The following PREPL variants were observed in gnomAD, a reference collection of about 807,000 sequenced individuals.
PREPL encodes the protein prolyl endopeptidase like.
PREPL carries 77 observed loss-of-function variants against 70.6 expected under a neutral mutation model. The observed-to-expected ratio is 1.09, with a 90% CI of 0.91 to 1.32. The LOEUF is 1.32. Ranked by LOEUF, PREPL falls within the 40% of genes most tolerant of loss-of-function variation. The pLI is 0.00. For synonymous variants in PREPL, 315 were observed against 264.8 expected, an observed-to-expected ratio of 1.19 and a Z score of -1.84; for missense variants, 1,002 against 778.2, an observed-to-expected ratio of 1.29 and a Z score of -3.42.
chr2:44,321,059 C>A lies in PREPL; in HGVS notation c.*297G>T, dbSNP rs1672897506. 2 of 413,752 alleles carry A rather than the reference C, an allele frequency of 4.8e-6. No homozygotes were observed. The highest frequency in any genetic ancestry group is 5.7e-5 in the South Asian group (2 of 35,226). The allele number at this position is 413,752 out of a possible 1,614,324, so 25.6% of individuals were successfully genotyped here. A position where few individuals can be genotyped will look rare whatever the true frequency, so the allele number is the denominator to read the frequency against. ...TTTGTAAACTGCTCAACTGTTCTGACTGGAAGGGAGGCCTGGAGCTCTGCT... is the reference window on the plus strand; with the variant it reads ...TTTGTAAACTGCTCAACTGTTCTGAATGGAAGGGAGGCCTGGAGCTCTGCT... On this transcript the variant is annotated 3_prime_UTR_variant, in exon 14 of 14. Transcript: ENST00000409411.
intron 1 of PREPL, chr2:44,360,342 C>T (rs1486626874): frequency 6.6e-6 from 1 of 152,156 alleles, no homozygotes; most frequent in Non-Finnish European, 1.5e-5. Context: ...GCACATTTTA[C>T]AGGTTGCCAA....
intron 2 of PREPL, among the ~76,000 whole-genome samples, chr2:44,345,972 T>C (rs918911771): frequency 1.3e-5 from 2 of 151,920 alleles, no homozygotes; most frequent in Non-Finnish European, 2.9e-5. Context: ...TGAGACCCTG[T>C]CTCTTGAAAT....
chr2:44,320,018 A>C lies in PREPL; in HGVS notation c.*1338T>G, dbSNP rs1672788732. 1 of 603,712 alleles carries C rather than the reference A, an allele frequency of 1.7e-6. No homozygotes were observed. Among genetic ancestry groups the C allele is most frequent in the African/African-American group, 1.9e-5 (1 of 53,902 alleles). 37.4% of individuals were successfully genotyped at this position (603,712 alleles called of 1,614,324 possible). On this transcript the variant is annotated 3_prime_UTR_variant, in exon 14 of 14. Transcript: ENST00000409411. ...GACAAGCCGAAACCCCGAATTTGTC[A>C]TTTCTATCAGTTTTTATATAAATTG...
chr2:44,332,654 G>A lies in PREPL; in HGVS notation c.891C>T (p.Leu297=). ...TTATGAATCCACAGGCCCAAGGAGG[G>A]AGCTAAAGAAATACAACAGCTATTT... The part of the protein sequence containing the change: ...LADDSVRSLK[L]PPWACGFIMD... The change falls in exon 8 of 14, where the codon CTC becomes CTT. Residue 297 remains leucine, a splice_region_variant and synonymous_variant. Transcript: ENST00000409411. 1.2e-6 allele frequency: 2 copies of A among 1,603,304 alleles called. No homozygotes were observed. Among genetic ancestry groups the A allele is most frequent in the Non-Finnish European group, 1.7e-6 (2 of 1,175,068 alleles).
intron 2 of PREPL, 68 bp downstream of exon 2, chr2:44,346,200 C>T: frequency 1.4e-6 from 2 of 1,431,052 alleles, no homozygotes; most frequent in Non-Finnish European, 1.9e-6. Context: ...TCTAAATCAC[C>T]AAGTATCTCA....
rs951250621 is a variant in PREPL at position 44,351,653 on chromosome 2, T to G, written c.-48-5263A>C. On this transcript the variant is annotated intron_variant, in intron 1 of 13. Coordinates refer to ENST00000409411, the MANE Select transcript of PREPL (RefSeq NM_001171613.2). The stretch of plus-strand genomic sequence containing the variant: ...TTTCTCTTGCCACAAACAACTGGTC[T>G]GCTAAATCCTCTCAATTCTACTTTC... 5.3e-5 allele frequency among the ~76,000 whole-genome samples: 8 copies of G among 152,354 alleles called. No homozygotes were observed. The Middle Eastern group carries it at 0.01, about 194-fold the overall frequency.
At chr2:44,344,420 T>C (rs1675559238) in intron 3 of PREPL, 100 bp downstream of exon 3, 1 of 945,228 alleles carries the variant, frequency 1.1e-6, no homozygotes. Flanking sequence ...AAATAATCTT[T>C]AAAAAAATCT....
At position 44,326,763 on chromosome 2, in the gene PREPL, T is replaced by C. The variant is rs2103750214; in HGVS notation, c.1428A>G (p.Ala476=). 1.2e-6 allele frequency: 2 copies of C among 1,614,156 alleles called. No homozygotes were observed. The highest frequency in any genetic ancestry group is 1.7e-6 in the Non-Finnish European group (2 of 1,180,028). The change falls in exon 10 of 14, where the codon GCA becomes GCG. Residue 476 remains alanine, a synonymous_variant. Coordinates refer to ENST00000409411, the MANE Select transcript of PREPL (RefSeq NM_001171613.2). ...LTAFSAGGVL[A]GALCNSNPEL... ...CTGGATTAGAATTACACAATGCTCC[T>C]GCAAGCACCCCTCCAGCACTGAAAG... is the stretch of plus-strand genomic sequence containing the variant.
At chr2:44,360,522 C>T (rs569377631) in intron 1 of PREPL, 4 of 152,300 alleles carry the variant, frequency 2.6e-5, no homozygotes, top group African/African-American at 7.2e-5. Context: ...AAAACCCCTG[C>T]AAGATGCACA....
At chr2:44,334,593 T>G (rs1330450197) in intron 7 of PREPL, among the ~76,000 whole-genome samples, 2 of 152,228 alleles carry the variant, frequency 1.3e-5, no homozygotes, top group Non-Finnish European at 2.9e-5. Context: ...GCACCCAGGC[T>G]GGAATGCAGT....
chr2:44,334,141 A>G (rs1674400111), intron 7 of PREPL, among the ~76,000 whole-genome samples: 1 of 152,220 alleles, frequency 6.6e-6, no homozygotes, highest in African/African-American at 2.4e-5. Context: ...GTATTAACTA[A>G]CTCAAGGATA....
Position 44,320,534 on chromosome 2 carries a change from C to T in PREPL, c.*822G>A, listed in dbSNP as rs149749634. 3.7e-5 allele frequency: 60 copies of T among 1,614,082 alleles called. 1 individual carries two copies. In the African/African-American group the frequency reaches 7.3e-4, roughly 20 times the overall value. ...GAGAGGGACTCATCTTTGAACACAA[C>T]ACGAAGAATCTCCTTCATCGCCAAA... On this transcript the variant is annotated 3_prime_UTR_variant, in exon 14 of 14. Coordinates refer to ENST00000409411, the MANE Select transcript of PREPL (RefSeq NM_001171613.2).
chr2:44,333,692 C>T lies in PREPL; in HGVS notation c.889-1036G>A, dbSNP rs1674351373. On this transcript the variant is annotated intron_variant, in intron 7 of 13. Coordinates refer to ENST00000409411, the MANE Select transcript of PREPL (RefSeq NM_001171613.2). ...ACACATCTGCAATCTCTAAAAGCTCCTAATGTATGCTTCTCACATTGAGGG... is the reference window on the plus strand; with the variant it reads ...ACACATCTGCAATCTCTAAAAGCTCTTAATGTATGCTTCTCACATTGAGGG... Among the ~76,000 whole-genome samples, 3 of 152,068 alleles carry T rather than the reference C, an allele frequency of 2.0e-5. No individual in the cohort carries two copies. The South Asian group carries it at 6.2e-4, about 32-fold the overall frequency.
At chr2:44,339,680 T>TA (rs1349588112) in intron 5 of PREPL, among the ~76,000 whole-genome samples, 1 of 152,230 alleles carries the variant, frequency 6.6e-6, no homozygotes, top group East Asian at 1.9e-4. Flanking sequence ...ATTACATATC[T>TA]ATGCACCTAT....
chr2:44,355,750 A>ATT (rs1558521867), intron 1 of PREPL, among the ~76,000 whole-genome samples: 4 of 63,428 alleles, frequency 6.3e-5, no homozygotes, highest in East Asian at 2.9e-4. Flanking sequence ...AAAACTACAT[A>ATT]TTATATATAT....
Position 44,339,352 on chromosome 2 carries a change from A to C in PREPL, c.497T>G (p.Phe166Cys), listed in dbSNP as rs1674973347. The C allele has an allele frequency of 6.2e-7, 1 of 1,613,774 alleles. No individual in the cohort carries two copies. Among genetic ancestry groups the C allele is most frequent in the Non-Finnish European group, 8.5e-7 (1 of 1,179,932 alleles). The stretch of plus-strand genomic sequence containing the variant: ...ACGACTGTCTTTTGTAAGATAAAGG[A>C]AAACAAAGTAGCTAGAGAGAGAGAG... ...YTEKDPSYFVFLYLTKDSRFL... is the reference protein window; with the variant it reads ...YTEKDPSYFVCLYLTKDSRFL... Residue 166 changes from phenylalanine to cysteine, a missense_variant, in exon 6 of 14, where the codon TTC (phenylalanine) becomes TGC (cysteine). Phe to Cys is a radical substitution (Grantham distance 205, BLOSUM62 -2). Transcript: ENST00000409411.
intron 1 of PREPL, 49 bp from the exon 2 acceptor site, chr2:44,346,439 A>C (rs775760440): frequency 1.3e-6 from 2 of 1,583,084 alleles, no homozygotes; most frequent in East Asian, 4.5e-5. Context: ...AGGGAAAAAA[A>C]ACTTTTGCTT....
rs771626380 is a variant in PREPL at position 44,343,763 on chromosome 2, G to T, written c.331C>A (p.Pro111Thr). 1 of 1,613,690 alleles carries T rather than the reference G, an allele frequency of 6.2e-7. No individual in the cohort carries two copies. The highest frequency in any genetic ancestry group is 8.5e-7 in the Non-Finnish European group (1 of 1,179,640). The change falls in exon 4 of 14, where the codon CCG becomes ACG. Residue 111 changes from proline to threonine, a missense_variant. Transcript: ENST00000409411. ...SDQPVMEASF[P>T]NVSSFEWVKD... ...GGCTTACCAAAACTGGACACATTCG[G>T]GAAAGAAGCTTCCATTACGGGCTGA...
chr2:44,339,285 C>A lies in PREPL; in HGVS notation c.564G>T (p.Val188=). ...AAGGGCTCAGGCCATCTATCAACCA[C>A]ACTTCAGAAGTAGTCTTGTTCATAA... ...INIMNKTTSE[V]WLIDGLSPWD... The change falls in exon 6 of 14, where the codon GTG becomes GTT. Residue 188 remains valine (V), a synonymous_variant. Coordinates refer to ENST00000409411, the MANE Select transcript of PREPL (RefSeq NM_001171613.2). 6.2e-7 allele frequency: 1 copy of A among 1,614,056 alleles called. No homozygotes were observed. The highest frequency in any genetic ancestry group is 1.1e-5 in the South Asian group (1 of 91,080).
Sources: allele counts gnomAD v4.1 joint callset (sites outside exome capture counted in the v4.1 genomes callset), GRCh38; gene constraint gnomAD v4.1.1; transcripts MANE v1.5; gene names NCBI Gene and HGNC (gene_info 2026-07-23, HGNC 2026-07-21).